Variants in STIM2 observed in about 807,000 individuals in gnomAD.
The protein encoded by STIM2 is stromal interaction molecule 2.
A neutral mutation model predicts 85.8 loss-of-function variants in STIM2; 31 were observed. The observed-to-expected ratio is 0.36, with a 90% CI of 0.27 to 0.49. The LOEUF (loss-of-function observed/expected upper bound fraction) is 0.49, where lower values mean the gene tolerates loss of function less well. Among genes scored for constraint, STIM2 ranks in the 20% least tolerant of loss-of-function variants. The pLI is 0.98. For missense variants in STIM2, 841 were observed against 927.6 expected, an observed-to-expected ratio of 0.91 and a Z score of 1.21; for synonymous variants, 356 against 331.1, an observed-to-expected ratio of 1.08 and a Z score of -0.82.
chr4:26,992,341 A>G (rs2109122893), intron 3 of STIM2, among the ~76,000 whole-genome samples: 1 of 152,218 alleles, frequency 6.6e-6, no homozygotes, highest in African/African-American at 2.4e-5. Context: ...CTTTACTGAA[A>G]TAAACAGTTG....
chr4:26,992,539 G>GA (rs1354602059), intron 3 of STIM2, among the ~76,000 whole-genome samples: 2 of 151,224 alleles, frequency 1.3e-5, no homozygotes, highest in East Asian at 1.9e-4. Context: ...ACAAAAAAAG[G>GA]AAAAAAAAGG....
chr4:26,885,821 T>TTATATATATATATATA (rs56851120), intron 1 of STIM2, among the ~76,000 whole-genome samples: 37 of 84,614 alleles, frequency 4.4e-4, no homozygotes, highest in South Asian at 9.2e-4. Flanking sequence ...GCACCTCAGG[T>TTATATATATATATATA]TATATATATA....
At chr4:26,966,565 G>A (rs1726729398) in intron 3 of STIM2, among the ~76,000 whole-genome samples, 2 of 151,980 alleles carry the variant, frequency 1.3e-5, no homozygotes, top group South Asian at 4.2e-4. Context: ...CATTTTAATA[G>A]CGACTGTAAT....
intron 3 of STIM2, among the ~76,000 whole-genome samples, chr4:26,962,228 A>C (rs971116419): frequency 5.9e-5 from 9 of 152,222 alleles, no homozygotes; most frequent in African/African-American, 2.2e-4. Context: ...TGTGACATAA[A>C]TCAGTAATGT....
intron 1 of STIM2, among the ~76,000 whole-genome samples, chr4:26,884,650 T>G (rs903520885): frequency 6.6e-6 from 1 of 152,250 alleles, no homozygotes; most frequent in Non-Finnish European, 1.5e-5. Flanking sequence ...AGTGTTCATC[T>G]GTCAGTTGGC....
At chr4:26,900,098 G>C (rs756707626) in intron 1 of STIM2, among the ~76,000 whole-genome samples, 80 of 152,190 alleles carry the variant, frequency 5.3e-4, no homozygotes, top group Admixed American at 1.0e-3. Flanking sequence ...AAGAGAGGGA[G>C]TAGAAGGAGC....
Position 26,861,178 on chromosome 4 carries a change from C to T in STIM2, c.-41C>T, listed in dbSNP as rs760462441. On this transcript the variant is annotated 5_prime_UTR_variant, in exon 1 of 12. Coordinates refer to ENST00000467087, the MANE Select transcript of STIM2 (RefSeq NM_020860.4). ...CTTCATCCCGCCTCGACTCCTGGCC[C>T]AGCGTGGGGCTGGCTGCTGCGGCGG... 30 of 1,412,594 alleles carry T rather than the reference C, an allele frequency of 2.1e-5. No homozygotes were observed. The highest frequency in any genetic ancestry group is 5.3e-4 in the Middle Eastern group (2 of 3,758). The allele number at this position is 1,412,594 out of a possible 1,614,324, so 87.5% of individuals were successfully genotyped here.
chr4:26,906,589 A>G (rs1435546386), intron 1 of STIM2, among the ~76,000 whole-genome samples: 3 of 152,052 alleles, frequency 2.0e-5, no homozygotes, highest in Non-Finnish European at 4.4e-5. Context: ...ATAAAATGTT[A>G]GTAAATTTGA....
At chr4:26,912,161 T>C (rs565512558) in intron 1 of STIM2, among the ~76,000 whole-genome samples, 140 of 152,338 alleles carry the variant, frequency 9.2e-4, no homozygotes, top group African/African-American at 3.2e-3. Flanking sequence ...ACAATACTTA[T>C]TTAAAAAGTT....
intron 1 of STIM2, among the ~76,000 whole-genome samples, chr4:26,885,758 C>G (rs1641697079): frequency 7.0e-6 from 1 of 142,528 alleles, no homozygotes; most frequent in African/African-American, 2.6e-5. Context: ...AGCAGTAAAA[C>G]TGAAAATATA....
chr4:26,893,390 C>A (rs751750626), intron 1 of STIM2, among the ~76,000 whole-genome samples: 9 of 151,974 alleles, frequency 5.9e-5, no homozygotes, highest in Non-Finnish European at 8.8e-5. Flanking sequence ...TTAGTTTTGT[C>A]TTTTTTGGAC....
intron 1 of STIM2, among the ~76,000 whole-genome samples, chr4:26,896,711 CA>C (rs1723722768): frequency 6.6e-6 from 1 of 152,116 alleles, no homozygotes; most frequent in Non-Finnish European, 1.5e-5. Flanking sequence ...TAGCATAATA[CA>C]ATTAAGTAAA....
chr4:26,912,223 T>C (rs1229546799), intron 1 of STIM2, among the ~76,000 whole-genome samples: 3 of 152,178 alleles, frequency 2.0e-5, no homozygotes, highest in Non-Finnish European at 4.4e-5. Context: ...CACTAAATAG[T>C]TGCCAGCGTG....
intron 10 of STIM2, among the ~76,000 whole-genome samples, chr4:27,010,298 G>A (rs917480440): frequency 2.6e-5 from 4 of 152,004 alleles, no homozygotes; most frequent in Admixed American, 2.6e-4. Context: ...ACAAAAATTA[G>A]CTGGGCGTGG....
At chr4:26,873,924 C>T in intron 1 of STIM2, 1 of 1,359,130 alleles carries the variant, frequency 7.4e-7, no homozygotes, top group South Asian at 1.2e-5. Flanking sequence ...GGGGCGCCTC[C>T]AGACAGCTGG....
At chr4:26,878,958 C>A (rs759208482) in intron 1 of STIM2, among the ~76,000 whole-genome samples, 5 of 152,180 alleles carry the variant, frequency 3.3e-5, no homozygotes, top group African/African-American at 4.8e-5. Flanking sequence ...ATCCTCCCCC[C>A]ACACATGAGG....
chr4:27,021,085 C>A (rs990113619), intron 11 of STIM2: 3 of 1,530,850 alleles, frequency 2.0e-6, no homozygotes, highest in South Asian at 1.2e-5. Context: ...AAGATGTGAT[C>A]CCTGTTCTTT....
chr4:27,008,697 G>A lies in STIM2; in HGVS notation c.1251-67G>A, dbSNP rs1029082045. ...AATTGCCATGGTCTGTTCATGTATT[G>A]CCTTTTTTCAGTGCCATATTAAAGA... is the stretch of plus-strand genomic sequence containing the variant. On this transcript the variant is annotated intron_variant, in intron 9 of 11. Transcript: ENST00000467087. 2.9e-5 allele frequency: 42 copies of A among 1,468,916 alleles called. No individual in the cohort carries two copies. The Admixed American group carries it at 7.2e-4, about 25-fold the overall frequency. 91.0% of individuals were successfully genotyped at this position (1,468,916 alleles called of 1,614,324 possible). A position where few individuals can be genotyped will look rare whatever the true frequency, so the allele number is the denominator to read the frequency against.
intron 1 of STIM2, among the ~76,000 whole-genome samples, chr4:26,894,703 G>C (rs1723629958): frequency 6.6e-6 from 1 of 152,056 alleles, no homozygotes; most frequent in Non-Finnish European, 1.5e-5. Context: ...TTAAGTCACT[G>C]TCATCTTATA....
Sources: allele counts gnomAD v4.1 joint callset (sites outside exome capture counted in the v4.1 genomes callset), GRCh38; gene constraint gnomAD v4.1.1; transcripts MANE v1.5; gene names NCBI Gene and HGNC (gene_info 2026-07-23, HGNC 2026-07-21).